The following MPPED2 variants were observed in gnomAD, a reference collection of about 807,000 sequenced individuals.
MPPED2 encodes the protein metallophosphoesterase MPPED2.
In MPPED2, 5 loss-of-function variants were observed where a neutral mutation model predicts 33.0. The ratio of observed to expected loss-of-function variants is 0.15; its 90% confidence interval spans 0.08 to 0.32. The LOEUF (loss-of-function observed/expected upper bound fraction) is 0.32. Among genes scored for constraint, MPPED2 ranks in the 10% least tolerant of loss-of-function variants. MPPED2 has a pLI of 1.00. For synonymous variants in MPPED2, 136 were observed against 141.9 expected (o/e 0.96, Z 0.29); for missense variants, 275 against 372.1 (o/e 0.74, Z 2.15).
At chr11:30,447,538 T>C (rs1053058766) in intron 4 of MPPED2, among the ~76,000 whole-genome samples, 1 of 151,978 alleles carries the variant, frequency 6.6e-6, no homozygotes, top group African/African-American at 2.4e-5. Flanking sequence ...AGCCGAGCAG[T>C]GTGTGGGTGA....
intron 4 of MPPED2, among the ~76,000 whole-genome samples, chr11:30,432,260 G>A (rs1193854964): frequency 1.3e-5 from 2 of 151,844 alleles, no homozygotes; most frequent in Non-Finnish European, 2.9e-5. Flanking sequence ...GTGTCTTAAA[G>A]AGATGCTGAT....
At chr11:30,572,134 A>G (rs1956721453) in intron 2 of MPPED2, among the ~76,000 whole-genome samples, 2 of 152,154 alleles carry the variant, frequency 1.3e-5, no homozygotes, top group Non-Finnish European at 2.9e-5. Flanking sequence ...CAGGTATAAC[A>G]TAGAAGATAG....
chr11:30,493,232 G>A (rs902603746), intron 4 of MPPED2, among the ~76,000 whole-genome samples: 6 of 151,938 alleles, frequency 3.9e-5, no homozygotes, highest in African/African-American at 1.2e-4. Context: ...TTAGCCGGGC[G>A]CAGTGGCGGG....
chr11:30,584,827 T>C (rs1957385543), intron 1 of MPPED2: 1 of 152,336 alleles, frequency 6.6e-6, no homozygotes, highest in South Asian at 2.1e-4. Flanking sequence ...CAGCGAGCGT[T>C]GGAAGGGGGT....
intron 4 of MPPED2, among the ~76,000 whole-genome samples, chr11:30,488,901 C>T (rs188770941): frequency 6.6e-6 from 1 of 152,246 alleles, no homozygotes; most frequent in Admixed American, 6.5e-5. Flanking sequence ...GTGCCAACAC[C>T]TTTCTGAACC....
intron 6 of MPPED2, 34 bp from the exon 7 acceptor site, chr11:30,411,620 T>C (rs1209612163): frequency 6.4e-7 from 1 of 1,568,708 alleles, no homozygotes; most frequent in African/African-American, 1.3e-5. Flanking sequence ...TACTGTAATA[T>C]ATACAAATGA....
intron 6 of MPPED2, among the ~76,000 whole-genome samples, chr11:30,398,466 G>C (rs1184205997): frequency 6.6e-6 from 1 of 152,074 alleles, no homozygotes; most frequent in Non-Finnish European, 1.5e-5. Context: ...AAGCTGATCA[G>C]ATGATTTTTT....
At chr11:30,437,985 T>C (rs1949397166) in intron 4 of MPPED2, among the ~76,000 whole-genome samples, 1 of 152,152 alleles carries the variant, frequency 6.6e-6, no homozygotes, top group African/African-American at 2.4e-5. Context: ...CTCTGGCATA[T>C]CTTCCTGGGC....
chr11:30,446,277 G>A (rs477026), intron 4 of MPPED2, among the ~76,000 whole-genome samples: 9,843 of 152,246 alleles, frequency 0.065, 378 homozygotes, highest in South Asian at 0.17. Flanking sequence ...CTCCTGAAAA[G>A]ACTCATCATT....
At chr11:30,575,650 A>C (rs1266180056) in intron 2 of MPPED2, among the ~76,000 whole-genome samples, 1 of 152,198 alleles carries the variant, frequency 6.6e-6, no homozygotes, top group East Asian at 1.9e-4. Flanking sequence ...CCACAGATAG[A>C]GATAGGAAGT....
intron 3 of MPPED2, among the ~76,000 whole-genome samples, chr11:30,531,588 T>G (rs933992104): frequency 5.9e-5 from 9 of 152,246 alleles, no homozygotes; most frequent in African/African-American, 2.2e-4. Flanking sequence ...CATCAGTAGC[T>G]ACTCATTTCC....
At chr11:30,527,863 A>T (rs900434502) in intron 3 of MPPED2, among the ~76,000 whole-genome samples, 2 of 152,206 alleles carry the variant, frequency 1.3e-5, no homozygotes, top group African/African-American at 4.8e-5. Context: ...AGCATGAAAG[A>T]GCTGTCACTG....
intron 4 of MPPED2, among the ~76,000 whole-genome samples, chr11:30,492,961 T>C (rs1952049926): frequency 1.3e-5 from 2 of 152,166 alleles, no homozygotes; most frequent in East Asian, 3.8e-4. Flanking sequence ...TTAAATAAGA[T>C]GACACGTATA....
chr11:30,490,424 AAG>A (rs1951925556), intron 4 of MPPED2, among the ~76,000 whole-genome samples: 1 of 152,230 alleles, frequency 6.6e-6, no homozygotes, highest in Non-Finnish European at 1.5e-5. Context: ...AGATTCTTGG[AAG>A]AATGAGATGG....
At chr11:30,445,398 A>T (rs150565305) in intron 4 of MPPED2, among the ~76,000 whole-genome samples, 2 of 152,238 alleles carry the variant, frequency 1.3e-5, no homozygotes, top group Admixed American at 1.3e-4. Context: ...CTGGTATTCA[A>T]GGGATTTGCA....
chr11:30,417,761 G>C (rs1030427224), intron 4 of MPPED2, 128 bp from the exon 5 acceptor site: 1 of 613,048 alleles, frequency 1.6e-6, no homozygotes, highest in Admixed American at 2.5e-5. Flanking sequence ...GTTGGCCCTG[G>C]CAGCAGGATG....
chr11:30,555,025 G>A (rs1955900644), intron 2 of MPPED2, among the ~76,000 whole-genome samples: 1 of 152,122 alleles, frequency 6.6e-6, no homozygotes, highest in Non-Finnish European at 1.5e-5. Context: ...AGATGCCATG[G>A]TATATGAAAG....
intron 4 of MPPED2, among the ~76,000 whole-genome samples, chr11:30,493,148 C>T (rs767886095): frequency 1.3e-5 from 2 of 152,054 alleles, no homozygotes; most frequent in Non-Finnish European, 2.9e-5. Context: ...CTTTGGGAGG[C>T]CGAGGCGGGC....
intron 4 of MPPED2, among the ~76,000 whole-genome samples, chr11:30,426,951 A>G (rs983344758): frequency 5.3e-5 from 8 of 152,162 alleles, no homozygotes; most frequent in Non-Finnish European, 1.0e-4. Context: ...ATCCTACCAG[A>G]GACTGAGCCT....
Sources: allele counts gnomAD v4.1 joint callset (sites outside exome capture counted in the v4.1 genomes callset), GRCh38; gene constraint gnomAD v4.1.1; transcripts MANE v1.5; gene names NCBI Gene and HGNC (gene_info 2026-07-23, HGNC 2026-07-21).